The following PCED1B variants were observed in gnomAD, a reference collection of about 807,000 sequenced individuals.
PCED1B encodes the protein PC-esterase domain containing 1B, also known as PC-esterase domain-containing protein 1B.
For synonymous variants in PCED1B, 251 were observed against 246.1 expected, an observed-to-expected ratio of 1.02 and a Z score of -0.19; for missense variants, 573 against 573.9, an observed-to-expected ratio of 1.00 and a Z score of 0.02.
At chr12:47,152,326 C>T (rs1941023242) in intron 2 of PCED1B, among the ~76,000 whole-genome samples, 1 of 151,990 alleles carries the variant, frequency 6.6e-6, no homozygotes, top group African/African-American at 2.4e-5. Flanking sequence ...TTATTGACAT[C>T]ACACACCTCC....
chr12:47,232,540 G>A (rs1406460534), intron 3 of PCED1B, among the ~76,000 whole-genome samples: 6 of 152,098 alleles, frequency 3.9e-5, no homozygotes, highest in East Asian at 1.9e-4. Flanking sequence ...TTACTAATGC[G>A]TAAAATCTTA....
chr12:47,136,204 G>T (rs1224057579), intron 2 of PCED1B, among the ~76,000 whole-genome samples: 1 of 149,464 alleles, frequency 6.7e-6, no homozygotes. Flanking sequence ...TAAGATGCAT[G>T]ATCTTATCTT....
chr12:47,104,682 A>G (rs1426030373), intron 2 of PCED1B, among the ~76,000 whole-genome samples: 2 of 152,228 alleles, frequency 1.3e-5, no homozygotes, highest in African/African-American at 4.8e-5. Context: ...AGGGAATTCA[A>G]CTTTCACCAA....
chr12:47,170,585 G>T (rs1312672269), intron 2 of PCED1B, among the ~76,000 whole-genome samples: 1 of 152,100 alleles, frequency 6.6e-6, no homozygotes, highest in Non-Finnish European at 1.5e-5. Flanking sequence ...CTTAAATTCT[G>T]CCCACCTGGT....
At chr12:47,196,653 C>A (rs1942610463) in intron 2 of PCED1B, among the ~76,000 whole-genome samples, 1 of 152,206 alleles carries the variant, frequency 6.6e-6, no homozygotes, top group African/African-American at 2.4e-5. Context: ...CACGGTAAAA[C>A]CCCGTCTCTA....
intron 2 of PCED1B, among the ~76,000 whole-genome samples, chr12:47,190,363 C>T (rs1307116226): frequency 6.6e-6 from 1 of 152,182 alleles, no homozygotes; most frequent in Non-Finnish European, 1.5e-5. Flanking sequence ...CTGTTCTAAC[C>T]CACTTCCTCC....
At chr12:47,175,444 G>C (rs1371831697) in intron 2 of PCED1B, among the ~76,000 whole-genome samples, 2 of 151,916 alleles carry the variant, frequency 1.3e-5, no homozygotes, top group Non-Finnish European at 2.9e-5. Context: ...ATTTTATTTG[G>C]TTGTTATCTA....
chr12:47,181,712 TAA>T (rs1272053123), intron 2 of PCED1B, among the ~76,000 whole-genome samples: 1 of 152,084 alleles, frequency 6.6e-6, no homozygotes, highest in Non-Finnish European at 1.5e-5. Flanking sequence ...ACTGGCTTTC[TAA>T]ATTATTTTAA....
chr12:47,234,723 C>A (rs1163617535), intron 3 of PCED1B, among the ~76,000 whole-genome samples: 2 of 152,202 alleles, frequency 1.3e-5, no homozygotes, highest in Non-Finnish European at 2.9e-5. Context: ...GGCTCCTCCC[C>A]ACCAGGTGGA....
intron 3 of PCED1B, among the ~76,000 whole-genome samples, chr12:47,222,422 CAAAAAAAAA>C (rs750444043): frequency 1.2e-4 from 10 of 81,636 alleles, no homozygotes; most frequent in African/African-American, 3.6e-4. Context: ...AACTCCATCT[CAAAAAAAAA>C]AAAAAAAAAA....
chr12:47,113,822 C>G (rs1939301461), intron 2 of PCED1B, among the ~76,000 whole-genome samples: 1 of 151,860 alleles, frequency 6.6e-6, no homozygotes, highest in Non-Finnish European at 1.5e-5. Flanking sequence ...CCAGCCTGGC[C>G]AACATGACGA....
Position 47,236,015 on chromosome 12 carries a change from C to T in PCED1B, c.952C>T (p.Pro318Ser), listed in dbSNP as rs762427769. ...QRLPLLPLLSPQPPPPILHHQ... is the reference protein window; with the variant it reads ...QRLPLLPLLSSQPPPPILHHQ... ...CTTGCCGCTGCTCCCGCTCCTGTCC[C>T]CACAGCCTCCTCCTCCCATTCTCCA... The change falls in exon 4 of 4, where the codon CCA (proline) becomes TCA (serine). Residue 318 changes from proline (P) to serine (S), a missense_variant. Physicochemically the swap from Pro to Ser is moderately conservative, Grantham distance 74. Coordinates refer to ENST00000546455, the MANE Select transcript of PCED1B (RefSeq NM_138371.3). 1 of 1,613,792 alleles carries T rather than the reference C, an allele frequency of 6.2e-7. No individual in the cohort carries two copies. Among genetic ancestry groups the T allele is most frequent in the South Asian group, 1.1e-5 (1 of 91,052 alleles).
At chr12:47,106,289 CAA>C (rs1938943968) in intron 2 of PCED1B, among the ~76,000 whole-genome samples, 1 of 152,046 alleles carries the variant, frequency 6.6e-6, no homozygotes, top group Non-Finnish European at 1.5e-5. Context: ...TTTTTAAAGT[CAA>C]GAGCTGTTTT....
chr12:47,153,957 C>G (rs1941099466), intron 2 of PCED1B, among the ~76,000 whole-genome samples: 1 of 152,176 alleles, frequency 6.6e-6, no homozygotes, highest in Non-Finnish European at 1.5e-5. Flanking sequence ...TATTCTTTCT[C>G]TATGTGTTTC....
rs1238195897 is a variant in PCED1B at position 47,235,790 on chromosome 12, C to G, written c.727C>G (p.Leu243Val). The change falls in exon 4 of 4, where the codon CTG (leucine) becomes GTG (valine). Residue 243 changes from leucine (L) to valine (V), a missense_variant. By Grantham distance (32) the Leu-to-Val change is conservative. Coordinates refer to ENST00000546455, the MANE Select transcript of PCED1B (RefSeq NM_138371.3). ...NGRVHRCLSQ[L>V]LLAHVADAWG... ...ACGTGTGCACCGCTGCCTCTCCCAG[C>G]TGCTGCTGGCCCACGTGGCCGACGC... The G allele has an allele frequency of 6.3e-7, 1 of 1,585,470 alleles. No individual in the cohort carries two copies. The highest frequency in any genetic ancestry group is 2.3e-5 in the East Asian group (1 of 43,298).
At chr12:47,127,775 C>T (rs917017786) in intron 2 of PCED1B, among the ~76,000 whole-genome samples, 1 of 152,124 alleles carries the variant, frequency 6.6e-6, no homozygotes, top group Non-Finnish European at 1.5e-5. Flanking sequence ...TGTTGCCTAT[C>T]ATGGTAAATG....
chr12:47,100,065 A>G (rs1286548051), intron 1 of PCED1B, among the ~76,000 whole-genome samples: 2 of 152,268 alleles, frequency 1.3e-5, no homozygotes, highest in African/African-American at 2.4e-5. Context: ...CAATGTGGAA[A>G]TATTAATAGA....
In PCED1B at chr12:47,226,621, C is replaced by T. The variant is rs192082916; in HGVS notation, c.-57-8386C>T. On this transcript the variant is annotated intron_variant, in intron 3 of 3. Coordinates refer to ENST00000546455, the MANE Select transcript of PCED1B (RefSeq NM_138371.3). ...AACTCCTGATCTCAAGTTATCCGCCCGCCTTGGCCTCCTAAGGTGCTGAGA... is the reference window on the plus strand; with the variant it reads ...AACTCCTGATCTCAAGTTATCCGCCTGCCTTGGCCTCCTAAGGTGCTGAGA... 2.6e-5 allele frequency among the ~76,000 whole-genome samples: 4 copies of T among 152,252 alleles called. No individual in the cohort carries two copies. In the East Asian group the frequency reaches 5.8e-4, roughly 22 times the overall value.
intron 2 of PCED1B, among the ~76,000 whole-genome samples, chr12:47,173,357 G>A (rs1469759235): frequency 3.9e-5 from 6 of 152,160 alleles, no homozygotes; most frequent in East Asian, 1.9e-4. Context: ...GGGTTCAAGC[G>A]ATTCTCCTGC....
Sources: allele counts gnomAD v4.1 joint callset (sites outside exome capture counted in the v4.1 genomes callset), GRCh38; gene constraint gnomAD v4.1.1; transcripts MANE v1.5; gene names NCBI Gene and HGNC (gene_info 2026-07-23, HGNC 2026-07-21).